RBM4: variants seen among roughly 807,000 people sequenced by gnomAD.
RBM4 encodes RNA binding motif protein 4.
A neutral mutation model predicts 29.5 loss-of-function variants in RBM4; 7 were observed. That is an observed-to-expected ratio of 0.24 (90% confidence interval 0.14 to 0.45). The LOEUF (loss-of-function observed/expected upper bound fraction) is 0.45, where lower values mean the gene tolerates loss of function less well. RBM4 is among the 20% of genes least tolerant of loss of function. RBM4 has a pLI of 1.00. For missense variants in RBM4, 387 were observed against 502.3 expected, an observed-to-expected ratio of 0.77 and a Z score of 2.19; for synonymous variants, 220 against 205.4, an observed-to-expected ratio of 1.07 and a Z score of -0.61.
intron 2 of RBM4, among the ~76,000 whole-genome samples, chr11:66,662,023 C>G (rs1315661762): frequency 6.6e-6 from 1 of 152,152 alleles, no homozygotes; most frequent in South Asian, 2.1e-4. Context: ...GAGCGAGACT[C>G]CATCTCAAAA....
At chr11:66,640,938 C>G (rs1938429460) in intron 2 of RBM4, 1 of 152,246 alleles carries the variant, frequency 6.6e-6, no homozygotes. Context: ...AAAGGAAATG[C>G]TTGTTAGAGC....
chr11:66,650,485 T>A (rs1334403113), downstream of RBM4, among the ~76,000 whole-genome samples: 1 of 139,688 alleles, frequency 7.2e-6, no homozygotes, highest in Non-Finnish European at 1.6e-5. Context: ...GCAGAAGAAT[T>A]GCTTGAAGCT....
chr11:66,666,040 AATG>A (rs910599879), exon 3 of RBM4: 4 of 1,288,688 alleles, frequency 3.1e-6, no homozygotes, highest in Non-Finnish European at 3.2e-6. Flanking sequence ...AGCTTTCAGA[AATG>A]ATGGTCACAA....
At chr11:66,647,267 C>G (rs2135074044), downstream of RBM4, among the ~76,000 whole-genome samples, 1 of 152,284 alleles carries the variant, frequency 6.6e-6, no homozygotes, top group African/African-American at 2.4e-5. Context: ...CAGGCATTAC[C>G]CTTTCAGGGA....
chr11:66,640,448 C>G (rs1938394860), intron 2 of RBM4: 7 of 517,072 alleles, frequency 1.4e-5, no homozygotes, highest in Non-Finnish European at 2.4e-5. Context: ...TAGTAGAGCA[C>G]AGTTCAGAGT....
intron 2 of RBM4, among the ~76,000 whole-genome samples, chr11:66,657,886 A>G (rs1032866248): frequency 3.3e-5 from 5 of 151,608 alleles, no homozygotes; most frequent in Admixed American, 2.0e-4. Context: ...AGCATGCCCA[A>G]CTAATTTCTG....
At chr11:66,638,851 A>C (rs1271719670) in intron 1 of RBM4, 99 bp downstream of exon 1, 1 of 152,322 alleles carries the variant, frequency 6.6e-6, no homozygotes, top group Non-Finnish European at 1.5e-5. Flanking sequence ...CGCAGTCTCC[A>C]CACCCGTCAC....
chr11:66,642,251 G>C (rs1016241067), intron 2 of RBM4, among the ~76,000 whole-genome samples: 5 of 152,138 alleles, frequency 3.3e-5, no homozygotes, highest in Non-Finnish European at 5.9e-5. Context: ...TCTAATGTTA[G>C]AGGATCCATT....
intron 2 of RBM4, among the ~76,000 whole-genome samples, chr11:66,651,802 G>A (rs747448011): frequency 2.0e-5 from 3 of 152,154 alleles, no homozygotes; most frequent in Non-Finnish European, 4.4e-5. Context: ...ATTCTGTCTT[G>A]AGTTTGCAAG....
At position 66,643,581 on chromosome 11, in the gene RBM4, C is replaced by T. The variant is rs762710827; in HGVS notation, c.544C>T (p.Arg182Cys). Residue 182 changes from arginine (R) to cysteine (C), a missense_variant, in exon 3 of 4, where the codon CGC becomes TGC. Coordinates refer to ENST00000310092, the MANE Select transcript of RBM4 (RefSeq NM_002896.4). The surrounding 1 kb of genome is among the most constrained non-coding windows in gnomAD (Gnocchi z 6.1). Reference sequence around the variant, plus strand: ...AGAGTGTCCGATAGATCGTTCAGGCCGCGTGGCAGACTTGACCGAGCAATA... The same window carrying T: ...AGAGTGTCCGATAGATCGTTCAGGCTGCGTGGCAGACTTGACCGAGCAATA... ...SKECPIDRSG[R>C]VADLTEQYNE... 11 of 1,614,092 alleles carry T rather than the reference C, an allele frequency of 6.8e-6. No homozygotes were observed. The highest frequency in any genetic ancestry group is 1.1e-5 in the South Asian group (1 of 91,082).
chr11:66,645,146 C>T (rs2135069614), intron 3 of RBM4, among the ~76,000 whole-genome samples: 1 of 152,272 alleles, frequency 6.6e-6, no homozygotes, highest in East Asian at 1.9e-4. Context: ...AGCAGCTCTA[C>T]CCTGAGTCCG....
intron 2 of RBM4, among the ~76,000 whole-genome samples, chr11:66,663,850 C>T (rs542103118): frequency 6.6e-6 from 1 of 152,058 alleles, no homozygotes; most frequent in African/African-American, 2.4e-5. Flanking sequence ...GGGCTTACTC[C>T]TAGCACTACT....
At chr11:66,663,375 A>AT (rs1209915922) in intron 2 of RBM4, among the ~76,000 whole-genome samples, 1 of 151,976 alleles carries the variant, frequency 6.6e-6, no homozygotes, top group Non-Finnish European at 1.5e-5. Context: ...TTAATTTTTT[A>AT]TTTTTTTGAG....
In RBM4 at chr11:66,643,493, T is replaced by G. The variant is rs964560088; in HGVS notation, c.456T>G (p.Thr152=). 2 of 1,613,880 alleles carry G rather than the reference T, an allele frequency of 1.2e-6. No individual in the cohort carries two copies. The highest frequency in any genetic ancestry group is 2.7e-5 in the African/African-American group (2 of 74,996). ...AGTTGTCCACCAGCCGGCTTAGGAC[T>G]GCGCCCGGGATGGGAGACCAGAGCG... The part of the protein sequence containing the change: ...HVQLSTSRLR[T]APGMGDQSGC... The change falls in exon 3 of 4, where the codon ACT becomes ACG. Residue 152 remains threonine (T), a synonymous_variant. Coordinates refer to ENST00000310092, the MANE Select transcript of RBM4 (RefSeq NM_002896.4). The surrounding 1 kb of genome is among the most constrained non-coding windows in gnomAD (Gnocchi z 6.1).
rs574862554 is a variant in RBM4 at position 66,646,415 on chromosome 11, A to G, written c.*397A>G. 8.5e-6 allele frequency: 9 copies of G among 1,061,680 alleles called. No individual in the cohort carries two copies. In the South Asian group the frequency reaches 2.1e-4, roughly 25 times the overall value. 65.8% of individuals were successfully genotyped at this position (1,061,680 alleles called of 1,614,324 possible). Reference sequence around the variant, plus strand: ...TCTTTTTGGTCCAAAGGCTAGACCTATAGAGTTGGATCACTTTTTTTCTTT... The same window carrying G: ...TCTTTTTGGTCCAAAGGCTAGACCTGTAGAGTTGGATCACTTTTTTTCTTT... On this transcript the variant is annotated 3_prime_UTR_variant, in exon 4 of 4. Transcript: ENST00000310092.
At chr11:66,644,707 G>A (rs899571247) in intron 3 of RBM4, 9 of 979,570 alleles carry the variant, frequency 9.2e-6, no homozygotes, top group Non-Finnish European at 1.1e-5. Context: ...TTCCTGAACC[G>A]TTCAACCCTT....
intron 2 of RBM4, among the ~76,000 whole-genome samples, chr11:66,664,131 G>A (rs1310252414): frequency 6.6e-6 from 1 of 150,450 alleles, no homozygotes; most frequent in Non-Finnish European, 1.5e-5. Flanking sequence ...TCAGCCTCTT[G>A]AGTAGCTGAG....
In RBM4 at chr11:66,643,889, CACA is replaced by C; in HGVS notation, c.853_855del (p.Thr285del). 6.2e-7 allele frequency: 1 copy of C among 1,613,378 alleles called. No individual in the cohort carries two copies. The highest frequency in any genetic ancestry group is 8.5e-7 in the Non-Finnish European group (1 of 1,179,774). On this transcript the variant is annotated inframe_deletion, in exon 3 of 4. Transcript: ENST00000310092. The surrounding 1 kb of genome is among the most constrained non-coding windows in gnomAD (Gnocchi z 6.1). ...TGTTGCCGACCTCAGGAGCTGCTGC[CACA>C]GCTGCTGCTGCAGCAGCAGCCGCTG...
chr11:66,640,482 T>C, intron 2 of RBM4: 1 of 447,134 alleles, frequency 2.2e-6, no homozygotes, highest in Non-Finnish European at 3.9e-6. Flanking sequence ...TTTATTGCCC[T>C]CAGCACAGGA....
Sources: allele counts gnomAD v4.1 joint callset (sites outside exome capture counted in the v4.1 genomes callset), GRCh38; gene constraint gnomAD v4.1.1; non-coding constraint Gnocchi (gnomAD v3.1); transcripts MANE v1.5; gene names NCBI Gene and HGNC (gene_info 2026-07-23, HGNC 2026-07-21).